Variants in DCTN1 observed in about 807,000 individuals in gnomAD.
DCTN1 encodes 150 kDa dynein-associated polypeptide.
In DCTN1, 61 loss-of-function variants were observed where a neutral mutation model predicts 161.2. The ratio of observed to expected loss-of-function variants is 0.38; its 90% CI spans 0.31 to 0.47. DCTN1 has a LOEUF of 0.47. Among genes scored for constraint, DCTN1 ranks in the 20% least tolerant of loss-of-function variants. DCTN1 has a pLI of 0.99. For missense variants in DCTN1, 1,404 were observed against 1,623.7 expected (o/e 0.86, Z 2.33); for synonymous variants, 653 against 632.4 (o/e 1.03, Z -0.49).
chr2:74,366,156 G>C, intron 23 of DCTN1, 88 bp downstream of exon 23: 1 of 1,610,858 alleles, frequency 6.2e-7, no homozygotes, highest in South Asian at 1.1e-5. Context: ...CCTTCCTCCT[G>C]TCTCCCCGTC....
intron 19 of DCTN1, 93 bp from the exon 20 acceptor site, chr2:74,367,200 C>G (rs1024197203): frequency 4.4e-5 from 69 of 1,554,426 alleles, no homozygotes; most frequent in Non-Finnish European, 5.7e-5. Flanking sequence ...CTGCTGACCC[C>G]CATACATAAG....
chr2:74,370,751 C>T lies in DCTN1; in HGVS notation c.918G>A (p.Met306Ile). The T allele has an allele frequency of 6.2e-7, 1 of 1,614,232 alleles. No individual in the cohort carries two copies. The highest frequency in any genetic ancestry group is 1.1e-5 in the South Asian group (1 of 91,084). ...EMADTADAIE[M>I]ATLDKEMAEE... is the part of the protein sequence containing the mutation. Reference sequence around the variant, plus strand: ...CAGCCATCTCCTTGTCCAAAGTGGCCATCTCAATGGCATCAGCAGTATCAG... The same window carrying T: ...CAGCCATCTCCTTGTCCAAAGTGGCTATCTCAATGGCATCAGCAGTATCAG... Residue 306 changes from methionine (M) to isoleucine (I), a missense_variant, in exon 10 of 32, where the codon ATG becomes ATA. By Grantham distance (10) the Met-to-Ile change is conservative. Around this residue, in one of 9 missense-constraint regions of DCTN1, gnomAD observed 67 missense variants for 116.3 expected, o/e 0.58. Transcript: ENST00000628224. This position sits in a 1 kb window ranked among gnomAD's most constrained non-coding sequence, Gnocchi z 4.4.
Position 74,366,856 on chromosome 2 carries a change from C to A in DCTN1, c.2393G>T (p.Cys798Phe), listed in dbSNP as rs747655469. 2 of 1,614,250 alleles carry A rather than the reference C, an allele frequency of 1.2e-6. No individual in the cohort carries two copies. The highest frequency in any genetic ancestry group is 1.3e-5 in the African/African-American group (1 of 75,066). ...TGGCATTCGCCTTCGGATCTTCTTG[C>A]AGAACTGGCGGATGTCACTGCATGA... Reference protein sequence around the residue: ...ETSCSDIRQFCKKIRRRMPGT... With the variant: ...ETSCSDIRQFFKKIRRRMPGT... Residue 798 changes from cysteine (C) to phenylalanine (F), a missense_variant, in exon 21 of 32, where the codon TGC becomes TTC. Physicochemically the swap from Cys to Phe is radical, Grantham distance 205 (BLOSUM62 -2). Around this residue, in one of 9 missense-constraint regions of DCTN1, gnomAD observed 475 missense variants for 489.8 expected, o/e 0.97. Transcript: ENST00000628224.
chr2:74,362,510 C>G (rs1473415507), intron 30 of DCTN1, 140 bp downstream of exon 30: 2 of 869,514 alleles, frequency 2.3e-6, no homozygotes, highest in Non-Finnish European at 3.7e-6. Flanking sequence ...AGTGAGCTTC[C>G]AAGGCAAGAA....
chr2:74,367,023 A>C, intron 20 of DCTN1, 22 bp downstream of exon 20: 1 of 1,614,212 alleles, frequency 6.2e-7, no homozygotes, highest in South Asian at 1.1e-5. Context: ...AGGAGCTCAC[A>C]CAGATCTAGA....
chr2:74,367,555 T>C (rs1461574837), intron 18 of DCTN1, 135 bp from the exon 19 acceptor site: 1 of 1,471,808 alleles, frequency 6.8e-7, no homozygotes, highest in South Asian at 1.2e-5. Context: ...AGCAGCTGCA[T>C]CATATGGAGA....
chr2:74,365,505 A>G lies in DCTN1; in HGVS notation c.3029+10T>C. On this transcript the variant is annotated intron_variant, in intron 25 of 31. Coordinates refer to ENST00000628224, the MANE Select transcript of DCTN1 (RefSeq NM_004082.5). ...TTAGAGGAAGCAAGGCCCCAGGGAA[A>G]GTGCCTGACTTCTCCTTCTTTCGCA... is the stretch of plus-strand genomic sequence containing the variant. 6.2e-7 allele frequency: 1 copy of G among 1,614,130 alleles called. No homozygotes were observed. The highest frequency in any genetic ancestry group is 8.5e-7 in the Non-Finnish European group (1 of 1,180,010).
rs766228025 is a variant in DCTN1, at chr2:74,365,066, A to G, written c.3196+9T>C. ...TCTGTGCTAGTGCTGCCTATTCCAC[A>G]GTACTCACCACCAGCAATGCCAGAG... On this transcript the variant is annotated intron_variant, in intron 26 of 31. Transcript: ENST00000628224. 11 of 1,613,930 alleles carry G rather than the reference A, an allele frequency of 6.8e-6. No individual in the cohort carries two copies. In the South Asian group the frequency reaches 1.1e-4, roughly 16 times the overall value.
At chr2:74,372,101 G>GACCC (rs1674904604) in intron 7 of DCTN1, 1 of 304,318 alleles carries the variant, frequency 3.3e-6, no homozygotes, top group Non-Finnish European at 6.4e-6. Flanking sequence ...ACCCACTTGT[G>GACCC]ATCATTCTAG....
At chr2:74,388,474 G>A (rs1431901409) in intron 1 of DCTN1, among the ~76,000 whole-genome samples, 1 of 152,184 alleles carries the variant, frequency 6.6e-6, no homozygotes, top group Non-Finnish European at 1.5e-5. Flanking sequence ...GGATCTATCT[G>A]CCTTTCCCTT....
chr2:74,378,327 A>C, intron 1 of DCTN1, 82 bp from the exon 2 acceptor site: 1 of 1,562,294 alleles, frequency 6.4e-7, no homozygotes, highest in Admixed American at 1.7e-5. Flanking sequence ...GCCTCAGCCA[A>C]GATGCTGGAC....
At chr2:74,387,691 T>C (rs1675803915) in intron 1 of DCTN1, among the ~76,000 whole-genome samples, 1 of 152,194 alleles carries the variant, frequency 6.6e-6, no homozygotes, top group Admixed American at 6.5e-5. Context: ...CTATCCCCAC[T>C]GACCTAATCC....
chr2:74,364,086 CCTT>C (rs1553463641), intron 26 of DCTN1: 2 of 194,456 alleles, frequency 1.0e-5, no homozygotes, highest in Non-Finnish European at 2.2e-5. Context: ...AGGCAAAAGA[CCTT>C]CTTTTTTGGT....
chr2:74,371,620 G>C lies in DCTN1; in HGVS notation c.562C>G (p.Gln188Glu), dbSNP rs1025345953. 25 of 1,590,542 alleles carry C rather than the reference G, an allele frequency of 1.6e-5. No individual in the cohort carries two copies. Among genetic ancestry groups the C allele is most frequent in the Non-Finnish European group, 1.9e-5 (22 of 1,169,298 alleles). Reference sequence around the variant, plus strand: ...ATGATGGGTGCTGCCAGCGGAGTCTGAGCCGGGGTGCTGGGCTCACTGCTG... The same window carrying C: ...ATGATGGGTGCTGCCAGCGGAGTCTCAGCCGGGGTGCTGGGCTCACTGCTG... ...LSSSEPSTPA[Q>E]TPLAAPIIPT... Residue 188 changes from glutamine (Q) to glutamate (E), a missense_variant, in exon 8 of 32, where the codon CAG becomes GAG. This residue lies in a region of DCTN1 where 174 missense variants were observed against 175.6 expected (regional missense o/e 0.99). Coordinates refer to ENST00000628224, the MANE Select transcript of DCTN1 (RefSeq NM_004082.5).
At chr2:74,368,263 T>G in intron 16 of DCTN1, 132 bp from the exon 17 acceptor site, 14 of 1,241,512 alleles carry the variant, frequency 1.1e-5, no homozygotes, top group Non-Finnish European at 1.6e-5. Flanking sequence ...GAAATAGCTC[T>G]TACCTGGGTG....
intron 26 of DCTN1, chr2:74,364,722 C>A (rs966043999): frequency 7.9e-6 from 3 of 378,468 alleles, no homozygotes; most frequent in African/African-American, 6.3e-5. Context: ...GGGCTGGATG[C>A]CCCAGGAGAG....
intron 5 of DCTN1, among the ~76,000 whole-genome samples, chr2:74,375,949 T>C (rs1675197782): frequency 2.0e-5 from 3 of 152,210 alleles, no homozygotes; most frequent in African/African-American, 4.8e-5. Flanking sequence ...AATCACAGAA[T>C]TGTACATACA....
intron 7 of DCTN1, chr2:74,371,986 CATAAG>C: frequency 2.0e-6 from 1 of 499,740 alleles, no homozygotes; most frequent in Non-Finnish European, 3.6e-6. Flanking sequence ...AAGAGAAAGA[CATAAG>C]ATTATAAGGC....
intron 7 of DCTN1, 116 bp downstream of exon 7, chr2:74,372,812 C>G: frequency 9.1e-7 from 1 of 1,094,060 alleles, no homozygotes; most frequent in African/African-American, 1.5e-5. Context: ...CTGAAGAGAA[C>G]CCAGGATACA....
Sources: gnomAD v4.1 joint callset for allele counts (sites outside exome capture counted in the v4.1 genomes callset) on GRCh38, gnomAD v4.1.1 for gene constraint, gnomAD v4.1.1 regional missense constraint, Gnocchi (gnomAD v3.1) non-coding constraint, MANE v1.5 for transcripts, NCBI Gene and HGNC (gene_info 2026-07-23, HGNC 2026-07-21) for gene names.